The following NECAB1 variants were observed in gnomAD, a reference collection of about 807,000 sequenced individuals.
NECAB1 encodes N-terminal EF-hand calcium binding protein 1, also known as N-terminal EF-hand calcium-binding protein 1.
NECAB1 carries 29 observed loss-of-function variants against 57.5 expected under a neutral mutation model. The observed-to-expected ratio is 0.50, with a 90% CI of 0.38 to 0.69. The LOEUF is 0.69. Among genes scored for constraint, NECAB1 ranks in the 30% least tolerant of loss-of-function variants. The pLI is 0.00. For missense variants in NECAB1, 372 were observed against 413.8 expected, an observed-to-expected ratio of 0.90 and a Z score of 0.88; for synonymous variants, 142 against 147.7, an observed-to-expected ratio of 0.96 and a Z score of 0.28.
chr8:90,817,750 C>A (rs907328180), intron 2 of NECAB1, among the ~76,000 whole-genome samples: 2 of 151,546 alleles, frequency 1.3e-5, no homozygotes, highest in Non-Finnish European at 3.0e-5. Context: ...TGTTCATTAG[C>A]TATATTGCTC....
intron 3 of NECAB1, among the ~76,000 whole-genome samples, chr8:90,845,228 G>A (rs1215071871): frequency 1.3e-5 from 2 of 152,134 alleles, no homozygotes; most frequent in Admixed American, 1.3e-4. Context: ...GACCACATGT[G>A]TGGGCACAGT....
intron 4 of NECAB1, among the ~76,000 whole-genome samples, chr8:90,872,898 A>G (rs1173567375): frequency 1.3e-5 from 2 of 152,182 alleles, no homozygotes; most frequent in Non-Finnish European, 2.9e-5. Flanking sequence ...CATTTTTGGT[A>G]GTTAGAGTTG....
At chr8:90,908,889 A>C (rs1462669707) in intron 5 of NECAB1, among the ~76,000 whole-genome samples, 1 of 152,040 alleles carries the variant, frequency 6.6e-6, no homozygotes, top group Non-Finnish European at 1.5e-5. Flanking sequence ...ATTCCCAGAA[A>C]CTGTAGTTAA....
chr8:90,842,873 G>A (rs1463911859), intron 3 of NECAB1, among the ~76,000 whole-genome samples: 1 of 152,176 alleles, frequency 6.6e-6, no homozygotes, highest in African/African-American at 2.4e-5. Flanking sequence ...TAGAAAGGTT[G>A]CCTCAGAAAG....
chr8:90,941,424 C>G (rs1810666989), intron 10 of NECAB1, among the ~76,000 whole-genome samples: 1 of 152,200 alleles, frequency 6.6e-6, no homozygotes, highest in South Asian at 2.1e-4. Context: ...TTTCCTCTTT[C>G]CATGGGTACC....
intron 10 of NECAB1, among the ~76,000 whole-genome samples, chr8:90,945,618 T>G (rs1941406047): frequency 6.6e-6 from 1 of 152,144 alleles, no homozygotes; most frequent in Admixed American, 6.5e-5. Context: ...TTGCTTGTGA[T>G]TTAAGGTAGG....
At chr8:90,852,997 C>T (rs774524520) in intron 3 of NECAB1, among the ~76,000 whole-genome samples, 2 of 152,256 alleles carry the variant, frequency 1.3e-5, no homozygotes, top group Non-Finnish European at 2.9e-5. Context: ...GAGCTGTTAA[C>T]ACTTAAGCTG....
At chr8:90,882,805 G>T (rs900666790) in intron 5 of NECAB1, among the ~76,000 whole-genome samples, 2 of 151,906 alleles carry the variant, frequency 1.3e-5, no homozygotes, top group African/African-American at 4.8e-5. Context: ...GTTTTTTTAG[G>T]TTTTTTTGTT....
chr8:90,940,831 C>G lies in NECAB1; in HGVS notation c.793C>G (p.Leu265Val). ...QRQMSVIEED[L>V]EEFQLALKHY... ...GCAGATGTCTGTGATAGAAGAGGAC[C>G]TGGAAGAATTCCAGCTCGCTCTGAA... Residue 265 changes from leucine to valine, a missense_variant, in exon 10 of 13, where the codon CTG becomes GTG. Coordinates refer to ENST00000417640, the MANE Select transcript of NECAB1 (RefSeq NM_022351.5). The G allele has an allele frequency of 3.8e-6, 6 of 1,565,102 alleles. No homozygotes were observed. The highest frequency in any genetic ancestry group is 5.2e-6 in the Non-Finnish European group (6 of 1,154,356).
chr8:90,798,824 G>T (rs868699927), intron 1 of NECAB1, among the ~76,000 whole-genome samples: 1 of 152,158 alleles, frequency 6.6e-6, no homozygotes, highest in Admixed American at 6.5e-5. Context: ...TCAGTAACGG[G>T]ATTGCAGAGT....
intron 5 of NECAB1, among the ~76,000 whole-genome samples, chr8:90,911,917 A>G (rs978805228): frequency 1.3e-5 from 2 of 152,198 alleles, no homozygotes; most frequent in African/African-American, 4.8e-5. Flanking sequence ...TTTAATTTTA[A>G]TACTTGCAAC....
chr8:90,942,909 C>T lies in NECAB1; in HGVS notation c.860+2011C>T, dbSNP rs544277411. Among the ~76,000 whole-genome samples, 8 of 152,156 alleles carry T rather than the reference C, an allele frequency of 5.3e-5. No individual in the cohort carries two copies. The East Asian group carries it at 1.5e-3, about 29-fold the overall frequency. On this transcript the variant is annotated intron_variant, in intron 10 of 12. Coordinates refer to ENST00000417640, the MANE Select transcript of NECAB1 (RefSeq NM_022351.5). ...AAAAAAAGAAAAATGCAAACAGTAC[C>T]TATATATACACCGTTCACAGTGTAA... is the stretch of plus-strand genomic sequence containing the variant.
chr8:90,838,285 G>C (rs1812403118), intron 3 of NECAB1, among the ~76,000 whole-genome samples: 1 of 152,086 alleles, frequency 6.6e-6, no homozygotes, highest in Non-Finnish European at 1.5e-5. Flanking sequence ...ATGTAAATAA[G>C]AGTTAAGTTC....
chr8:90,862,110 A>G (rs1160437513), intron 3 of NECAB1, among the ~76,000 whole-genome samples: 2 of 152,198 alleles, frequency 1.3e-5, no homozygotes, highest in African/African-American at 4.8e-5. Flanking sequence ...GGTAGAAAAC[A>G]ATGTAGCTAT....
chr8:90,791,856 G>A lies in NECAB1; in HGVS notation c.-31G>A. On this transcript the variant is annotated 5_prime_UTR_variant, in exon 1 of 13. Coordinates refer to ENST00000417640, the MANE Select transcript of NECAB1 (RefSeq NM_022351.5). The stretch of plus-strand genomic sequence containing the variant: ...AGAGCCGGTGCGTCCGCCTAGCCCC[G>A]CTCCGCCTGAGGCCGTCAGGGCTCC... 1 of 1,530,488 alleles carries A rather than the reference G, an allele frequency of 6.5e-7. No individual in the cohort carries two copies. 94.8% of individuals were successfully genotyped at this position (1,530,488 alleles called of 1,614,324 possible). A position where few individuals can be genotyped will look rare whatever the true frequency, so the allele number is the denominator to read the frequency against.
intron 3 of NECAB1, among the ~76,000 whole-genome samples, chr8:90,857,355 T>C (rs1260931241): frequency 6.6e-6 from 1 of 152,156 alleles, no homozygotes; most frequent in Non-Finnish European, 1.5e-5. Context: ...CAGAAAACAA[T>C]GTTCAGACAC....
chr8:90,794,126 T>C (rs149228296), intron 1 of NECAB1, among the ~76,000 whole-genome samples: 14 of 152,316 alleles, frequency 9.2e-5, no homozygotes, highest in African/African-American at 3.1e-4. Flanking sequence ...TGCCATTGGA[T>C]TTTGTGTCAA....
intron 2 of NECAB1, among the ~76,000 whole-genome samples, chr8:90,803,510 G>A (rs1054501424): frequency 6.6e-6 from 1 of 152,078 alleles, no homozygotes; most frequent in African/African-American, 2.4e-5. Flanking sequence ...ATAATCCACA[G>A]TCAGAACAAA....
chr8:90,850,907 G>T (rs989270563), intron 3 of NECAB1, among the ~76,000 whole-genome samples: 2 of 152,144 alleles, frequency 1.3e-5, no homozygotes. Flanking sequence ...TGCTAATAAG[G>T]TGAGTCTTGA....
Sources: allele counts gnomAD v4.1 joint callset (sites outside exome capture counted in the v4.1 genomes callset), GRCh38; gene constraint gnomAD v4.1.1; transcripts MANE v1.5; gene names NCBI Gene and HGNC (gene_info 2026-07-23, HGNC 2026-07-21).